Variants in FLT3 observed in about 807,000 individuals in gnomAD.
FLT3 encodes the protein fms related receptor tyrosine kinase 3.
Under a neutral mutation model 126.6 loss-of-function variants are expected in FLT3, and 46 were observed. That is an observed-to-expected ratio of 0.36 (90% CI 0.29 to 0.46). FLT3 has a LOEUF of 0.46. FLT3 is among the 20% of genes least tolerant of loss of function. The pLI, the probability that FLT3 is intolerant of heterozygous loss-of-function variation, is 1.00. For missense variants in FLT3, 1,069 were observed against 1,190.3 expected, an observed-to-expected ratio of 0.90 and a Z score of 1.50; for synonymous variants, 404 against 434.4, an observed-to-expected ratio of 0.93 and a Z score of 0.87.
intron 19 of FLT3, 71 bp downstream of exon 19, chr13:28,023,275 TAAAC>T: frequency 6.8e-7 from 1 of 1,472,856 alleles, no homozygotes; most frequent in East Asian, 2.3e-5. Context: ...CAAGTTAAAA[TAAAC>T]AAGAAAACAT....
At chr13:28,064,305 T>C (rs1876821821) in intron 2 of FLT3, among the ~76,000 whole-genome samples, 1 of 149,898 alleles carries the variant, frequency 6.7e-6, no homozygotes, top group African/African-American at 2.5e-5. Flanking sequence ...CCAGGGGCGA[T>C]GGCTCACTCC....
At chr13:28,054,550 C>A (rs960129583) in intron 4 of FLT3, among the ~76,000 whole-genome samples, 3 of 150,532 alleles carry the variant, frequency 2.0e-5, no homozygotes, top group Non-Finnish European at 4.5e-5. Flanking sequence ...GCCAAAACCC[C>A]GTCTCTACAA....
chr13:28,011,192 C>A (rs959144217), intron 23 of FLT3, among the ~76,000 whole-genome samples: 2 of 151,142 alleles, frequency 1.3e-5, no homozygotes, highest in African/African-American at 4.9e-5. Flanking sequence ...TGCCTGTAGT[C>A]CCAGCTACTC....
At chr13:28,084,063 C>T (rs1316271322) in intron 1 of FLT3, among the ~76,000 whole-genome samples, 1 of 151,562 alleles carries the variant, frequency 6.6e-6, no homozygotes, top group African/African-American at 2.4e-5. Context: ...TGCTGTGTTG[C>T]CTTGGCTGGA....
chr13:28,033,829 G>C lies in FLT3; in HGVS notation c.1942+58C>G, dbSNP rs946854536. ...TGGAAAAGAGAAGAAGGCATGGGTG[G>C]GAAACTGTGCCTCCCATTTTTGTGC... On this transcript the variant is annotated intron_variant, in intron 15 of 23. Transcript: ENST00000241453. The C allele has an allele frequency of 3.2e-6, 4 of 1,261,840 alleles. No homozygotes were observed. In the Admixed American group the frequency reaches 6.8e-5, roughly 21 times the overall value. 78.2% of individuals were successfully genotyped at this position (1,261,840 alleles called of 1,614,324 possible).
At chr13:28,049,851 G>T in intron 6 of FLT3, 77 bp from the exon 7 acceptor site, 1 of 1,462,118 alleles carries the variant, frequency 6.8e-7, no homozygotes, top group Non-Finnish European at 9.3e-7. Flanking sequence ...TGAACATTCT[G>T]AACAAAGACT....
chr13:28,009,926 G>A (rs925213935), intron 23 of FLT3, among the ~76,000 whole-genome samples: 3 of 152,034 alleles, frequency 2.0e-5, no homozygotes, highest in African/African-American at 7.2e-5. Context: ...GGAGAGGGGA[G>A]GTGATGTTAG....
intron 19 of FLT3, among the ~76,000 whole-genome samples, chr13:28,019,172 G>C (rs968734472): frequency 2.0e-5 from 3 of 152,006 alleles, no homozygotes; most frequent in Admixed American, 6.6e-5. Context: ...TCGCCATGTT[G>C]GTCAGGCTGG....
In FLT3 at chr13:28,070,510, T is replaced by C; in HGVS notation, c.146A>G (p.Lys49Arg). 2 of 1,607,614 alleles carry C rather than the reference T, an allele frequency of 1.2e-6. No homozygotes were observed. Among genetic ancestry groups the C allele is most frequent in the Non-Finnish European group, 1.7e-6 (2 of 1,174,596 alleles). The change falls in exon 2 of 24, where the codon AAG (lysine) becomes AGG (arginine). Residue 49 changes from lysine (K) to arginine (R), a missense_variant. Lys to Arg is a conservative substitution (Grantham distance 26, BLOSUM62 2). Coordinates refer to ENST00000241453, the MANE Select transcript of FLT3 (RefSeq NM_004119.3). ...NHKNNDSSVG[K>R]SSSYPMVSES... ...CTTTACCATGGGATATGATGATGAC[T>C]TCCCCACTGATGAATCATTGTTCTT... is the stretch of plus-strand genomic sequence containing the variant.
At chr13:28,046,139 T>C (rs1874856812) in intron 9 of FLT3, among the ~76,000 whole-genome samples, 1 of 152,104 alleles carries the variant, frequency 6.6e-6, no homozygotes, top group Non-Finnish European at 1.5e-5. Context: ...AGCGCCACTG[T>C]TGACAAACCC....
rs555804955 is a variant in FLT3 at position 28,083,146 on chromosome 13, T to C, written c.44-12534A>G. 2.6e-5 allele frequency among the ~76,000 whole-genome samples: 4 copies of C among 152,314 alleles called. No individual in the cohort carries two copies. The South Asian group carries it at 8.3e-4, about 32-fold the overall frequency. On this transcript the variant is annotated intron_variant, in intron 1 of 23. Transcript: ENST00000241453. ...ATGATCCACCACGTGCCCAGCCGAA[T>C]CACTTCTATGCCTAGTTTGCTAAGA...
At chr13:28,080,231 C>T (rs1878230031) in intron 1 of FLT3, among the ~76,000 whole-genome samples, 1 of 152,214 alleles carries the variant, frequency 6.6e-6, no homozygotes, top group African/African-American at 2.4e-5. Flanking sequence ...CAAAAATTAG[C>T]TGGGCGCCAT....
At chr13:28,048,481 A>C in intron 8 of FLT3, 38 bp from the exon 9 acceptor site, 1 of 1,319,270 alleles carries the variant, frequency 7.6e-7, no homozygotes, top group Non-Finnish European at 1.1e-6. Flanking sequence ...TTAGTTAATA[A>C]TATTCATAGG....
At chr13:28,053,281 G>T (rs1003125708) in intron 4 of FLT3, among the ~76,000 whole-genome samples, 3 of 151,268 alleles carry the variant, frequency 2.0e-5, no homozygotes, top group Admixed American at 6.6e-5. Flanking sequence ...TGACCTCCCA[G>T]GGCAGGTCAT....
Position 28,096,889 on chromosome 13 carries a change from C to T in FLT3, c.43+3579G>A, listed in dbSNP as rs562032106. 4.4e-4 allele frequency among the ~76,000 whole-genome samples: 67 copies of T among 152,294 alleles called. 1 individual carries two copies. Among genetic ancestry groups the T allele is most frequent in the Non-Finnish European group, 8.4e-4 (57 of 68,036 alleles). Reference sequence around the variant, plus strand: ...GGTTATTTATACACAAGTTCCCCTACCTCCATCTCTTTAATCTTTGTACTG... The same window carrying T: ...GGTTATTTATACACAAGTTCCCCTATCTCCATCTCTTTAATCTTTGTACTG... On this transcript the variant is annotated intron_variant, in intron 1 of 23. Transcript: ENST00000241453.
chr13:28,090,525 C>G (rs902708751), intron 1 of FLT3, among the ~76,000 whole-genome samples: 20 of 152,130 alleles, frequency 1.3e-4, no homozygotes, highest in African/African-American at 3.6e-4. Context: ...CACTTATAAT[C>G]CCAGTACTTT....
chr13:28,049,116 T>A (rs1875181929), intron 8 of FLT3, among the ~76,000 whole-genome samples: 1 of 152,172 alleles, frequency 6.6e-6, no homozygotes, highest in Non-Finnish European at 1.5e-5. Context: ...TTAAGAAACT[T>A]ACAGTCTACT....
intron 1 of FLT3, among the ~76,000 whole-genome samples, chr13:28,086,416 A>G (rs924553989): frequency 3.3e-5 from 5 of 152,196 alleles, no homozygotes; most frequent in African/African-American, 1.2e-4. Flanking sequence ...GCTGACATAC[A>G]CTGTACTTCT....
At chr13:28,043,332 G>A (rs1874553195) in intron 9 of FLT3, among the ~76,000 whole-genome samples, 1 of 152,118 alleles carries the variant, frequency 6.6e-6, no homozygotes, top group Admixed American at 6.6e-5. Context: ...AGGACGGCTA[G>A]AAAGTTATAA....
Sources: gnomAD v4.1 joint callset for allele counts (sites outside exome capture counted in the v4.1 genomes callset) on GRCh38, gnomAD v4.1.1 for gene constraint, MANE v1.5 for transcripts, NCBI Gene and HGNC (gene_info 2026-07-23, HGNC 2026-07-21) for gene names.